CACNA1C: variants seen among roughly 807,000 people sequenced by gnomAD.
The protein encoded by CACNA1C is calcium voltage-gated channel subunit alpha1 C, also known as voltage-dependent L-type calcium channel subunit alpha-1C.
Under a neutral mutation model 229.0 loss-of-function variants are expected in CACNA1C, and 30 were observed. The ratio of observed to expected loss-of-function variants is 0.13; its 90% CI spans 0.10 to 0.18. The LOEUF (loss-of-function observed/expected upper bound fraction) is 0.18. CACNA1C is among the 10% of genes least tolerant of loss of function. CACNA1C has a pLI of 1.00. For missense variants in CACNA1C, 1,658 were observed against 2,845.0 expected, an observed-to-expected ratio of 0.58 and a Z score of 9.49; for synonymous variants, 1,114 against 1,132.5, an observed-to-expected ratio of 0.98 and a Z score of 0.33.
Position 2,585,511 on chromosome 12 carries a change from C to A in CACNA1C, c.2460+15C>A. 6.5e-7 allele frequency: 1 copy of A among 1,545,862 alleles called. No individual in the cohort carries two copies. The highest frequency in any genetic ancestry group is 2.4e-5 in the East Asian group (1 of 41,684). The stretch of plus-strand genomic sequence containing the variant: ...CCGCCACCAAGGTGAGGAGCTGTCT[C>A]CTTCCTGGAGCTGTGAGGCCGGTGC... On this transcript the variant is annotated intron_variant, in intron 17 of 46. Transcript: ENST00000399655. This position sits in a 1 kb window ranked among gnomAD's most constrained non-coding sequence, Gnocchi z 4.1.
chr12:2,638,550 C>CT (rs2093199295), intron 30 of CACNA1C, among the ~76,000 whole-genome samples: 1 of 152,130 alleles, frequency 6.6e-6, no homozygotes, highest in South Asian at 2.1e-4. Flanking sequence ...CTCTGGCTGG[C>CT]TGTAGGAGTC....
Position 2,079,681 on chromosome 12 carries a change from T to A in CACNA1C, c.49+26070T>A, listed in dbSNP as rs185401338. Reference sequence around the variant, plus strand: ...ATTTAGTCCATAACAATGGTAAATTTTATATATATATTTTTGCCTCAATAA... The same window carrying A: ...ATTTAGTCCATAACAATGGTAAATTATATATATATATTTTTGCCTCAATAA... On this transcript the variant is annotated intron_variant, in intron 1 of 46. Coordinates refer to ENST00000399655, the MANE Select transcript of CACNA1C (RefSeq NM_000719.7). 1.5e-4 allele frequency among the ~76,000 whole-genome samples: 23 copies of A among 152,190 alleles called. No homozygotes were observed. In the East Asian group the frequency reaches 1.5e-3, roughly 10 times the overall value.
intron 1 of CACNA1C, among the ~76,000 whole-genome samples, chr12:2,112,027 T>A (rs2081964776): frequency 6.6e-6 from 1 of 152,144 alleles, no homozygotes. Context: ...TCTGTCACCA[T>A]GTACACGAGC....
At chr12:2,353,004 A>T (rs1226507316) in intron 3 of CACNA1C, among the ~76,000 whole-genome samples, 2 of 152,096 alleles carry the variant, frequency 1.3e-5, no homozygotes, top group African/African-American at 4.8e-5. Context: ...AAAAGGGGGG[A>T]TTGTTATTTT....
intron 3 of CACNA1C, among the ~76,000 whole-genome samples, chr12:2,364,637 G>A (rs541235112): frequency 6.6e-6 from 1 of 152,338 alleles, no homozygotes; most frequent in South Asian, 2.1e-4. Context: ...GAGAGGTCCA[G>A]CTCTCAAGAA....
rs137856834 is a variant in CACNA1C at position 2,319,387 on chromosome 12, G to A, written c.478-129589G>A. ...GTAGGCAGCGTACCTGATGGGTGGC[G>A]TACATGGGCAGCGTACATGATGGCC... is the stretch of plus-strand genomic sequence containing the variant. On this transcript the variant is annotated intron_variant, in intron 3 of 46. Coordinates refer to ENST00000399655, the MANE Select transcript of CACNA1C (RefSeq NM_000719.7). The surrounding 1 kb of genome is among the most constrained non-coding windows in gnomAD (Gnocchi z 4.0). Among the ~76,000 whole-genome samples, 672 of 152,130 alleles carry A rather than the reference G, an allele frequency of 4.4e-3. 7 individuals are homozygous for A. Among genetic ancestry groups the A allele is most frequent in the African/African-American group, 0.014 (574 of 41,470 alleles).
chr12:2,407,202 G>A (rs2098747744), intron 3 of CACNA1C, among the ~76,000 whole-genome samples: 1 of 152,266 alleles, frequency 6.6e-6, no homozygotes, highest in African/African-American at 2.4e-5. Context: ...CTTCGGCAGG[G>A]AAAGGGGGGC....
rs561993835 is a variant in CACNA1C at position 1,978,166 on chromosome 12, G to A, written c.139+6965G>A. On this transcript the variant is annotated intron_variant, in intron 1 of 46. Transcript: ENST00000682462. ...TGACCATGGGGAGAAAGCAGATGTC[G>A]CAACCCAGAGAAAGGGGGCATAGCC... Among the ~76,000 whole-genome samples the A allele has an allele frequency of 4.6e-5, 7 of 152,250 alleles. No individual in the cohort carries two copies. The East Asian group carries it at 9.6e-4, about 21-fold the overall frequency.
intron 3 of CACNA1C, among the ~76,000 whole-genome samples, chr12:2,316,694 C>T (rs139903870): frequency 1.3e-5 from 2 of 152,320 alleles, no homozygotes; most frequent in East Asian, 1.9e-4. Context: ...GATGCCCAAA[C>T]ACCATGAACT....
chr12:2,533,673 G>A (rs1451919120), intron 9 of CACNA1C, among the ~76,000 whole-genome samples: 3 of 152,214 alleles, frequency 2.0e-5, no homozygotes, highest in Non-Finnish European at 4.4e-5. Context: ...GGCTGGTGGA[G>A]TCTGCCAGGT....
chr12:2,234,206 G>A (rs2066430807), intron 3 of CACNA1C, among the ~76,000 whole-genome samples: 1 of 152,192 alleles, frequency 6.6e-6, no homozygotes, highest in South Asian at 2.1e-4. Flanking sequence ...GAAAAGATGG[G>A]AGTGCTGAAA....
At chr12:2,132,320 G>T in intron 3 of CACNA1C, among the ~76,000 whole-genome samples, 1 of 71,428 alleles carries the variant, frequency 1.4e-5, no homozygotes, top group Non-Finnish European at 2.6e-5. Flanking sequence ...TAATTGCCCT[G>T]GCCAGAACTT....
chr12:2,108,714 A>G lies in CACNA1C; in HGVS notation c.50-6510A>G, dbSNP rs1434562896. ...GAGGAGTGCCACTGGGGTTGAGATG[A>G]CAGGGCCTCGGGTTATCGTCTGAGA... On this transcript the variant is annotated intron_variant, in intron 1 of 46. Transcript: ENST00000399655. This position sits in a 1 kb window ranked among gnomAD's most constrained non-coding sequence, Gnocchi z 5.3. 6.6e-6 allele frequency among the ~76,000 whole-genome samples: 1 copy of G among 152,180 alleles called. No individual in the cohort carries two copies. The highest frequency in any genetic ancestry group is 2.4e-5 in the African/African-American group (1 of 41,434).
chr12:2,025,936 A>AG (rs5795988), intron 1 of CACNA1C, among the ~76,000 whole-genome samples: 1 of 152,130 alleles, frequency 6.6e-6, no homozygotes, highest in Non-Finnish European at 1.5e-5. Flanking sequence ...AGGGTAACCA[A>AG]GGGGGGAAGA....
At position 2,015,763 on chromosome 12, in the gene CACNA1C, C is replaced by A. The variant is rs113685467; in HGVS notation, c.139+44562C>A. The stretch of plus-strand genomic sequence containing the variant: ...ACCACTGGACAGCCTGGTTGGCAGC[C>A]TCTGCACTTCCTGGGTTCAGATCTC... On this transcript the variant is annotated intron_variant, in intron 1 of 46. Transcript: ENST00000682462. Among the ~76,000 whole-genome samples the A allele has an allele frequency of 9.6e-3, 1,456 of 152,334 alleles. 9 individuals carry two copies. The highest frequency in any genetic ancestry group is 0.014 in the Non-Finnish European group (981 of 68,036).
intron 29 of CACNA1C, among the ~76,000 whole-genome samples, chr12:2,625,528 C>T (rs775718125): frequency 1.8e-4 from 28 of 152,108 alleles, no homozygotes; most frequent in Admixed American, 2.6e-4. Flanking sequence ...ACACAGGCTG[C>T]GGGCAGTACA....
intron 13 of CACNA1C, among the ~76,000 whole-genome samples, chr12:2,580,559 C>A (rs2060127927): frequency 6.6e-6 from 1 of 152,196 alleles, no homozygotes; most frequent in Non-Finnish European, 1.5e-5. Context: ...AGGGCCATGT[C>A]CTTTTGCCAT....
intron 1 of CACNA1C, among the ~76,000 whole-genome samples, chr12:2,060,673 A>C (rs1392180593): frequency 6.6e-6 from 1 of 152,232 alleles, no homozygotes; most frequent in African/African-American, 2.4e-5. Context: ...ATCATTTCAG[A>C]ACATAGTGTT....
intron 3 of CACNA1C, among the ~76,000 whole-genome samples, chr12:2,307,248 C>G (rs986277475): frequency 1.3e-5 from 2 of 152,224 alleles, no homozygotes; most frequent in Non-Finnish European, 2.9e-5. Flanking sequence ...TCCTGCTTCA[C>G]TTTCATCTGC....
Sources: gnomAD v4.1 joint callset for allele counts (sites outside exome capture counted in the v4.1 genomes callset) on GRCh38, gnomAD v4.1.1 for gene constraint, Gnocchi (gnomAD v3.1) non-coding constraint, MANE v1.5 for transcripts, NCBI Gene and HGNC (gene_info 2026-07-23, HGNC 2026-07-21) for gene names.